The following PLIN4 variants were observed in gnomAD, a reference collection of about 807,000 sequenced individuals.
PLIN4 encodes perilipin-4.
PLIN4 carries 57 observed loss-of-function variants against 52.4 expected under a neutral mutation model. That is an observed-to-expected ratio of 1.09 (90% CI 0.88 to 1.36). The LOEUF is 1.36. Ranked by LOEUF, PLIN4 falls within the 40% of genes most tolerant of loss-of-function variation. The probability of loss-of-function intolerance (pLI) is 0.00; values close to 1 mark genes in which losing one functional copy is unlikely to be tolerated. For missense variants in PLIN4, 1,757 were observed against 1,770.3 expected (o/e 0.99, Z 0.13); for synonymous variants, 826 against 785.4 (o/e 1.05, Z -0.86).
In PLIN4 at chr19:4,511,559, T is replaced by G; in HGVS notation, c.2401A>C (p.Ser801Arg). Reference sequence around the variant, plus strand: ...ACATTCGCAGCACCGGTCACCCCACTGCACACAGCATCCTTGGTACCAGTT... The same window carrying G: ...ACATTCGCAGCACCGGTCACCCCACGGCACACAGCATCCTTGGTACCAGTT... ...VLTGTKDAVCSGVTGAANVAK... is the reference protein window; with the variant it reads ...VLTGTKDAVCRGVTGAANVAK... The change falls in exon 5 of 8, where the codon AGT (serine) becomes CGT (arginine). Residue 801 changes from serine to arginine, a missense_variant. Coordinates refer to ENST00000301286, the MANE Select transcript of PLIN4 (RefSeq NM_001367868.2). The G allele has an allele frequency of 6.7e-7, 1 of 1,481,620 alleles. No homozygotes were observed. The allele number at this position is 1,481,620 out of a possible 1,614,324, so 91.8% of individuals were successfully genotyped here. A position where few individuals can be genotyped will look rare whatever the true frequency, so the allele number is the denominator to read the frequency against.
At chr19:4,516,428 G>A (rs945446548) in intron 4 of PLIN4, among the ~76,000 whole-genome samples, 189 bp downstream of exon 4, 2 of 152,196 alleles carry the variant, frequency 1.3e-5, no homozygotes, top group African/African-American at 4.8e-5. Context: ...TAGAGGCTCA[G>A]AGGGGAAGCT....
At position 4,504,608 on chromosome 19, in the gene PLIN4, C is replaced by T. The variant is rs200236765; in HGVS notation, c.3967G>A (p.Glu1323Lys). The T allele has an allele frequency of 8.1e-4, 1,305 of 1,604,232 alleles. 1 individual carries two copies. The highest frequency in any genetic ancestry group is 9.9e-4 in the Non-Finnish European group (1,166 of 1,177,954). ...YGIVASAGSV[E>K]ELPAERLVQS... is the part of the protein sequence containing the mutation. ...ACCAGCCGCTCTGCGGGCAGCTCCT[C>T]TACAGAGCCAGCTGAGGCCACGATG... Residue 1323 changes from glutamate to lysine, a missense_variant, in exon 8 of 8, where the codon GAG (glutamate) becomes AAG (lysine). Physicochemically the swap from Glu to Lys is moderately conservative, Grantham distance 56 (BLOSUM62 1). Transcript: ENST00000301286.
chr19:4,513,748 T>C, intron 4 of PLIN4, 47 bp from the exon 5 acceptor site: 1 of 1,521,930 alleles, frequency 6.6e-7, no homozygotes. Flanking sequence ...CTGAGAGGTG[T>C]ACTCCACCCC....
chr19:4,511,270 GCA>G lies in PLIN4; in HGVS notation c.2688_2689del (p.Ala897ArgfsTer64). 1 of 1,610,214 alleles carries G rather than the reference GCA, an allele frequency of 6.2e-7. No homozygotes were observed. The highest frequency in any genetic ancestry group is 1.1e-5 in the South Asian group (1 of 90,798). On this transcript the variant is annotated frameshift_variant, in exon 5 of 8. Transcript: ENST00000301286. LOFTEE classifies it high-confidence loss of function. Reference sequence around the variant, plus strand: ...AGCCCCTGTGAGCCCAGTGGACACGGCATCTTTAGTGCCAGTCAGGACAGACT... The same window carrying G: ...AGCCCCTGTGAGCCCAGTGGACACGGTCTTTAGTGCCAGTCAGGACAGACT...
chr19:4,510,765 AC>A lies in PLIN4; in HGVS notation c.3194del (p.Gly1065ValfsTer18). On this transcript the variant is annotated frameshift_variant, in exon 5 of 8. Coordinates refer to ENST00000301286, the MANE Select transcript of PLIN4 (RefSeq NM_001367868.2). LOFTEE classifies it high-confidence loss of function. Reference sequence around the variant, plus strand: ...CTGTGGTCCTGGAACTGGTGAGTCCACCCCAGGAGGTGGCGGGGGTACTAGG... The same window carrying A: ...CTGTGGTCCTGGAACTGGTGAGTCCACCCAGGAGGTGGCGGGGGTACTAGG... ...WLPSTPATSW[G>X]GLTSSRTTDN... The A allele has an allele frequency of 6.4e-7, 1 of 1,570,196 alleles. No homozygotes were observed. Among genetic ancestry groups the A allele is most frequent in the Non-Finnish European group, 8.7e-7 (1 of 1,156,036 alleles).
At position 4,503,238 on chromosome 19, in the gene PLIN4, G is replaced by A. The variant is rs1479663516; in HGVS notation, c.*1221C>T. On this transcript the variant is annotated 3_prime_UTR_variant, in exon 8 of 8. Transcript: ENST00000301286. Reference sequence around the variant, plus strand: ...TCGTGTCCTAGGAGAGCATGGAAAGGGGACGACAAGGTTCTCTTACCGGGT... The same window carrying A: ...TCGTGTCCTAGGAGAGCATGGAAAGAGGACGACAAGGTTCTCTTACCGGGT... 1 of 152,404 alleles carries A rather than the reference G, an allele frequency of 6.6e-6. No individual in the cohort carries two copies. Among genetic ancestry groups the A allele is most frequent in the African/African-American group, 2.4e-5 (1 of 41,454 alleles). 9.4% of individuals were successfully genotyped at this position (152,404 alleles called of 1,614,324 possible).
intron 5 of PLIN4, 92 bp downstream of exon 5, chr19:4,510,354 C>T (rs147630288): frequency 0.016 from 20,226 of 1,253,010 alleles, 241 homozygotes; most frequent in South Asian, 0.043. Context: ...CAACAGAGCA[C>T]GACTCTGTCT....
chr19:4,507,608 G>C (rs1156341624), intron 6 of PLIN4, among the ~76,000 whole-genome samples: 2 of 152,128 alleles, frequency 1.3e-5, no homozygotes, highest in Non-Finnish European at 2.9e-5. Context: ...AGGATCTCTT[G>C]ACCCCAGTAG....
chr19:4,506,337 G>T (rs1031972096), intron 6 of PLIN4, among the ~76,000 whole-genome samples: 1 of 152,192 alleles, frequency 6.6e-6, no homozygotes, highest in East Asian at 1.9e-4. Flanking sequence ...CCTCCGCTCA[G>T]ATCACACTCC....
chr19:4,511,597 G>T lies in PLIN4; in HGVS notation c.2363C>A (p.Thr788Asn). Residue 788 changes from threonine to asparagine, a missense_variant, in exon 5 of 8, where the codon ACC becomes AAC. Physicochemically the swap from Thr to Asn is moderately conservative, Grantham distance 65. Around this residue, in one of 7 missense-constraint regions of PLIN4, gnomAD observed 96 missense variants for 136.5 expected, o/e 0.70. Transcript: ENST00000301286. ...CTTGGTACCAGTTAACACAGTCTTGGTGGTGTCCATGCCGGTCTGGACAGT... is the reference window on the plus strand; with the variant it reads ...CTTGGTACCAGTTAACACAGTCTTGTTGGTGTCCATGCCGGTCTGGACAGT... ...KGTVQTGMDT[T>N]KTVLTGTKDA... 1 of 1,490,572 alleles carries T rather than the reference G, an allele frequency of 6.7e-7. No individual in the cohort carries two copies. The highest frequency in any genetic ancestry group is 9.0e-7 in the Non-Finnish European group (1 of 1,111,922). 92.3% of individuals were successfully genotyped at this position (1,490,572 alleles called of 1,614,324 possible).
rs560493281 is a variant in PLIN4 at position 4,508,971 on chromosome 19, C to T, written c.3515-16G>A. 2.5e-6 allele frequency: 4 copies of T among 1,604,138 alleles called. No individual in the cohort carries two copies. The highest frequency in any genetic ancestry group is 3.4e-5 in the Admixed American group (2 of 59,510). ...GCCAGCTGAGCTGGAAAGGAAGGCG[C>T]ACCGCTCAGTCCCGGAAGCCCCTCA... On this transcript the variant is annotated splice_polypyrimidine_tract_variant and intron_variant, in intron 5 of 7. Transcript: ENST00000301286.
chr19:4,506,439 T>C (rs2145249498), intron 6 of PLIN4, among the ~76,000 whole-genome samples: 1 of 152,306 alleles, frequency 6.6e-6, no homozygotes, highest in Middle Eastern at 3.4e-3. Context: ...GCCACTTCCT[T>C]ATCCTGGTAC....
Position 4,503,691 on chromosome 19 carries a change from G to C in PLIN4, c.*768C>G, listed in dbSNP as rs1242330634. On this transcript the variant is annotated 3_prime_UTR_variant, in exon 8 of 8. Transcript: ENST00000301286. ...CCCAGGTGCCTGGGGCAGGCCTGTG[G>C]TGGGCAGCTGGAGGCAGCAGCAGCC... The C allele has an allele frequency of 1.3e-5, 2 of 152,796 alleles. No individual in the cohort carries two copies. The highest frequency in any genetic ancestry group is 2.4e-5 in the African/African-American group (1 of 41,462). The allele number at this position is 152,796 out of a possible 1,614,324, so 9.5% of individuals were successfully genotyped here. A position where few individuals can be genotyped will look rare whatever the true frequency, so the allele number is the denominator to read the frequency against.
rs770863550 is a variant in PLIN4, at chr19:4,511,982, C to A, written c.1978G>T (p.Ala660Ser). 6.2e-7 allele frequency: 1 copy of A among 1,605,096 alleles called. No homozygotes were observed. The highest frequency in any genetic ancestry group is 1.1e-5 in the South Asian group (1 of 90,558). The change falls in exon 5 of 8, where the codon GCG becomes TCG. Residue 660 changes from alanine (A) to serine (S), a missense_variant. Physicochemically the swap from Ala to Ser is moderately conservative, Grantham distance 99. This residue lies in a region of PLIN4 where 439 missense variants were observed against 406.4 expected (regional missense o/e 1.08). Transcript: ENST00000301286. ...CCAAAGGTGTTCTTTGTACCTGTCG[C>A]GATATTTTGGGTCGTTTTCAGCCCA... The part of the protein sequence containing the change: ...QTGLKTTQNI[A>S]TGTKNTFGSG...
Position 4,512,271 on chromosome 19 carries a change from A to T in PLIN4, c.1689T>A (p.Gly563=). The change falls in exon 5 of 8, where the codon GGT becomes GGA. Residue 563 remains glycine (G), a synonymous_variant. Transcript: ENST00000301286. ...GLDTTKSVVI[G]TKDTMSTGLT... ...GCCCAGTGGACATCGTGTCTTTTGTACCTATGACCACAGACTTGGTGGTGT... is the reference window on the plus strand; with the variant it reads ...GCCCAGTGGACATCGTGTCTTTTGTTCCTATGACCACAGACTTGGTGGTGT... 1 of 1,605,634 alleles carries T rather than the reference A, an allele frequency of 6.2e-7. No individual in the cohort carries two copies. Among genetic ancestry groups the T allele is most frequent in the Non-Finnish European group, 8.5e-7 (1 of 1,178,160 alleles).
In PLIN4 at chr19:4,516,688, CAG is replaced by C. The variant is rs752997799; in HGVS notation, c.197-12_197-11del. On this transcript the variant is annotated splice_polypyrimidine_tract_variant and intron_variant, in intron 3 of 7. Transcript: ENST00000301286. ...TCTGGGTGGGCAGCCACTGTGGGGACAGGGGCCGGTCAGGGAGAGTGAGGGAT... is the reference window on the plus strand; with the variant it reads ...TCTGGGTGGGCAGCCACTGTGGGGACGGGCCGGTCAGGGAGAGTGAGGGAT... 215 of 1,587,766 alleles carry C rather than the reference CAG, an allele frequency of 1.4e-4. No homozygotes were observed. The East Asian group carries it at 4.3e-3, about 31-fold the overall frequency.
At position 4,502,235 on chromosome 19, in the gene PLIN4, T is replaced by C. The variant is rs1441425189; in HGVS notation, c.*2224A>G. On this transcript the variant is annotated 3_prime_UTR_variant, in exon 8 of 8. Transcript: ENST00000301286. ...AATCACTTTTATTGGCTTGGTTTTC[T>C]AGCATTGCTGGTGCAGTGGGGGCCT... 15 of 625,678 alleles carry C rather than the reference T, an allele frequency of 2.4e-5. No homozygotes were observed. Among genetic ancestry groups the C allele is most frequent in the Non-Finnish European group, 3.8e-5 (13 of 345,242 alleles). 38.8% of individuals were successfully genotyped at this position (625,678 alleles called of 1,614,324 possible). A position where few individuals can be genotyped will look rare whatever the true frequency, so the allele number is the denominator to read the frequency against.
Position 4,509,165 on chromosome 19 carries a change from G to T in PLIN4, c.3515-210C>A, listed in dbSNP as rs74172645. On this transcript the variant is annotated intron_variant, in intron 5 of 7. Transcript: ENST00000301286. ...TCTACTAAAAAAATACAAAAAATTAGCCGGGCGTGGTGGCGGGTGCCTGTA... is the reference window on the plus strand; with the variant it reads ...TCTACTAAAAAAATACAAAAAATTATCCGGGCGTGGTGGCGGGTGCCTGTA... Among the ~76,000 whole-genome samples, 16 of 151,210 alleles carry T rather than the reference G, an allele frequency of 1.1e-4. 1 individual carries two copies. The highest frequency in any genetic ancestry group is 2.7e-4 in the African/African-American group (11 of 41,136).
Position 4,504,182 on chromosome 19 carries a change from G to T in PLIN4, c.*277C>A, listed in dbSNP as rs181742443. 5.7e-4 allele frequency: 228 copies of T among 402,466 alleles called. No individual in the cohort carries two copies. The highest frequency in any genetic ancestry group is 5.2e-4 in the Non-Finnish European group (119 of 226,724). The allele number at this position is 402,466 out of a possible 1,614,324, so 24.9% of individuals were successfully genotyped here. A position where few individuals can be genotyped will look rare whatever the true frequency, so the allele number is the denominator to read the frequency against. On this transcript the variant is annotated 3_prime_UTR_variant, in exon 8 of 8. Transcript: ENST00000301286. ...GCTTGCTTGGGGACTTCAAGGGAAG[G>T]CTCTTGGCTGGTGGTCTGAGTGACC...
Sources: allele counts gnomAD v4.1 joint callset (sites outside exome capture counted in the v4.1 genomes callset), GRCh38; gene constraint gnomAD v4.1.1; regional missense constraint gnomAD v4.1.1; transcripts MANE v1.5; gene names NCBI Gene and HGNC (gene_info 2026-07-23, HGNC 2026-07-21).